Variants in PSMD1 observed in about 807,000 individuals in gnomAD.
PSMD1 encodes the protein proteasome 26S subunit, non-ATPase 1.
Under a neutral mutation model 119.0 loss-of-function variants are expected in PSMD1, and 18 were observed. That is an observed-to-expected ratio of 0.15 (90% CI 0.10 to 0.22). The LOEUF is 0.22. Ranked by LOEUF, PSMD1 falls within the 10% of genes least tolerant of loss-of-function variation. The probability of loss-of-function intolerance (pLI) is 1.00; values close to 1 mark genes in which losing one functional copy is unlikely to be tolerated. For synonymous variants in PSMD1, 374 were observed against 396.6 expected, an observed-to-expected ratio of 0.94 and a Z score of 0.68; for missense variants, 702 against 1,158.5, an observed-to-expected ratio of 0.61 and a Z score of 5.72.
At position 231,138,664 on chromosome 2, in the gene PSMD1, G is replaced by T. The variant is rs1696030479; in HGVS notation, c.1884-72G>T. On this transcript the variant is annotated intron_variant, in intron 16 of 24. Transcript: ENST00000308696. ...CCTATAACTTTTTCAAAAACAACTTGGTTAAAACTCTTCTGTCTTAACTTA... is the reference window on the plus strand; with the variant it reads ...CCTATAACTTTTTCAAAAACAACTTTGTTAAAACTCTTCTGTCTTAACTTA... 5.3e-6 allele frequency: 6 copies of T among 1,136,232 alleles called. No individual in the cohort carries two copies. The East Asian group carries it at 1.2e-4, about 22-fold the overall frequency. 70.4% of individuals were successfully genotyped at this position (1,136,232 alleles called of 1,614,324 possible).
At chr2:231,085,687 A>T (rs893310801) in intron 15 of PSMD1, among the ~76,000 whole-genome samples, 1 of 135,656 alleles carries the variant, frequency 7.4e-6, no homozygotes, top group African/African-American at 2.8e-5. Context: ...ATGATCTATT[A>T]CAAGAGATGC....
chr2:231,108,219 G>T (rs1409481616), intron 16 of PSMD1: 3 of 291,728 alleles, frequency 1.0e-5, no homozygotes, highest in Admixed American at 9.8e-5. Flanking sequence ...TAAATTTTAT[G>T]ATGACAGTGG....
intron 16 of PSMD1, chr2:231,108,530 A>T (rs1254278711): frequency 6.2e-7 from 1 of 1,613,522 alleles, no homozygotes; most frequent in East Asian, 2.2e-5. Context: ...TACATAACTA[A>T]CTTGCTCTTC....
intron 16 of PSMD1, among the ~76,000 whole-genome samples, chr2:231,113,504 T>C (rs916308997): frequency 6.6e-6 from 1 of 152,232 alleles, no homozygotes; most frequent in Non-Finnish European, 1.5e-5. Context: ...GTGCAGATGG[T>C]TCTTTCTGAG....
At chr2:231,080,913 C>T (rs1268880580) in intron 12 of PSMD1, among the ~76,000 whole-genome samples, 1 of 151,834 alleles carries the variant, frequency 6.6e-6, no homozygotes, top group Admixed American at 6.6e-5. Context: ...AAGGCCGAGG[C>T]GGGTGGATCA....
chr2:231,080,414 G>A (rs1178239661), intron 12 of PSMD1, 100 bp downstream of exon 12: 8 of 1,035,222 alleles, frequency 7.7e-6, no homozygotes, highest in African/African-American at 1.7e-5. Flanking sequence ...TAGAATTTGC[G>A]AATACCCAAA....
At chr2:231,169,372 G>C (rs544264056) in intron 23 of PSMD1, among the ~76,000 whole-genome samples, 1 of 152,292 alleles carries the variant, frequency 6.6e-6, no homozygotes, top group African/African-American at 2.4e-5. Flanking sequence ...AGGCTATGGA[G>C]GATTAGGACA....
intron 7 of PSMD1, among the ~76,000 whole-genome samples, chr2:231,074,627 A>G (rs1308158239): frequency 2.0e-5 from 3 of 151,828 alleles, no homozygotes; most frequent in Non-Finnish European, 4.4e-5. Flanking sequence ...TAATTTTCCT[A>G]ATTTCTCTTG....
intron 16 of PSMD1, among the ~76,000 whole-genome samples, chr2:231,132,636 A>G (rs1330067896): frequency 1.3e-5 from 2 of 152,202 alleles, no homozygotes; most frequent in Non-Finnish European, 2.9e-5. Context: ...AAGGAGGAGC[A>G]GGTATTGTTT....
intron 6 of PSMD1, among the ~76,000 whole-genome samples, chr2:231,071,026 C>T (rs1300352929): frequency 2.0e-5 from 3 of 151,960 alleles, no homozygotes; most frequent in African/African-American, 7.2e-5. Context: ...TTTAAATCAC[C>T]CAAAGTCAAC....
chr2:231,122,383 T>G (rs1182368500), intron 16 of PSMD1, among the ~76,000 whole-genome samples: 1 of 152,142 alleles, frequency 6.6e-6, no homozygotes, highest in Non-Finnish European at 1.5e-5. Context: ...TACCTTCTAA[T>G]ATGGATTCTA....
At chr2:231,172,430 G>A (rs998564923) in intron 24 of PSMD1, 105 bp from the exon 25 acceptor site, 7 of 152,152 alleles carry the variant, frequency 4.6e-5, no homozygotes, top group Non-Finnish European at 1.0e-4. Context: ...GGCAGGGTTG[G>A]GGCCTAGTTT....
intron 8 of PSMD1, among the ~76,000 whole-genome samples, chr2:231,076,702 T>C (rs1272535078): frequency 6.6e-6 from 1 of 152,190 alleles, no homozygotes; most frequent in African/African-American, 2.4e-5. Flanking sequence ...TTTTCAGTTT[T>C]CTCAGTTTCA....
At chr2:231,133,970 T>G (rs1428220561) in intron 16 of PSMD1, among the ~76,000 whole-genome samples, 2 of 152,230 alleles carry the variant, frequency 1.3e-5, no homozygotes, top group Non-Finnish European at 2.9e-5. Context: ...GCAAGATGAC[T>G]GTTAGTTACA....
chr2:231,161,253 G>T, intron 19 of PSMD1, 87 bp from the exon 20 acceptor site: 100 of 1,002,268 alleles, frequency 1.0e-4, no homozygotes, highest in Non-Finnish European at 1.2e-4. Flanking sequence ...AAAAAAAAAA[G>T]AAAGAAAGAA....
At chr2:231,166,735 A>C (rs532457157) in intron 23 of PSMD1, among the ~76,000 whole-genome samples, 1 of 152,218 alleles carries the variant, frequency 6.6e-6, no homozygotes, top group Non-Finnish European at 1.5e-5. Context: ...AGATCTGTCT[A>C]AAATGTCAGA....
intron 16 of PSMD1, among the ~76,000 whole-genome samples, chr2:231,096,270 A>G (rs1285835325): frequency 6.6e-6 from 1 of 151,944 alleles, no homozygotes; most frequent in East Asian, 1.9e-4. Flanking sequence ...TCTTTTTTCC[A>G]ATTTATTGGA....
At chr2:231,063,105 A>T (rs947825641) in intron 4 of PSMD1, among the ~76,000 whole-genome samples, 1 of 152,206 alleles carries the variant, frequency 6.6e-6, no homozygotes, top group Non-Finnish European at 1.5e-5. Flanking sequence ...TTTTGAGATG[A>T]TAAAGACATG....
rs540366686 is a variant in PSMD1, at chr2:231,131,761, C to CAA, written c.1884-6950_1884-6949dup. 3.1e-3 allele frequency among the ~76,000 whole-genome samples: 36 copies of CAA among 11,792 alleles called. 1 individual carries two copies. The highest frequency in any genetic ancestry group is 4.3e-3 in the Admixed American group (5 of 1,172). The allele number at this position is 11,792 out of a possible 152,430, so 7.7% of individuals were successfully genotyped here. ...TGGGCGACAGAGCGAGACTCCGTCT[C>CAA]AAAAAAAAAAAAAAAAAAAAAAAAA... On this transcript the variant is annotated intron_variant, in intron 16 of 24. Coordinates refer to ENST00000308696, the MANE Select transcript of PSMD1 (RefSeq NM_002807.4).
Sources: allele counts gnomAD v4.1 joint callset (sites outside exome capture counted in the v4.1 genomes callset), GRCh38; gene constraint gnomAD v4.1.1; transcripts MANE v1.5; gene names NCBI Gene and HGNC (gene_info 2026-07-23, HGNC 2026-07-21).